Variants in ARHGEF4 observed in about 807,000 individuals in gnomAD.
The protein encoded by ARHGEF4 is Rho guanine nucleotide exchange factor 4.
Under a neutral mutation model 162.0 loss-of-function variants are expected in ARHGEF4, and 119 were observed. That is an observed-to-expected ratio of 0.73 (90% CI 0.63 to 0.86). ARHGEF4 has a LOEUF of 0.86. ARHGEF4 is among the 40% of genes least tolerant of loss of function. The probability of loss-of-function intolerance (pLI) is 0.00; values close to 1 mark genes in which losing one functional copy is unlikely to be tolerated. For synonymous variants in ARHGEF4, 1,014 were observed against 979.9 expected, an observed-to-expected ratio of 1.03 and a Z score of -0.65; for missense variants, 2,488 against 2,456.0, an observed-to-expected ratio of 1.01 and a Z score of -0.28.
intron 1 of ARHGEF4, among the ~76,000 whole-genome samples, chr2:130,869,768 G>A (rs1365045490): frequency 2.6e-5 from 4 of 152,360 alleles, no homozygotes; most frequent in African/African-American, 7.2e-5. Flanking sequence ...CCCTCAGCTA[G>A]GGAACGGCCG....
At chr2:130,837,120 C>T (rs926763614) in intron 1 of ARHGEF4, 128 bp downstream of exon 1, 5 of 860,766 alleles carry the variant, frequency 5.8e-6, no homozygotes, top group Middle Eastern at 4.0e-4. Context: ...GGGACACCCT[C>T]GTGGCTCCCC....
At chr2:131,019,056 C>A (rs935781922) in intron 4 of ARHGEF4, among the ~76,000 whole-genome samples, 1 of 152,120 alleles carries the variant, frequency 6.6e-6, no homozygotes, top group African/African-American at 2.4e-5. Flanking sequence ...ATAATTTTGG[C>A]TAGTCAGGAC....
intron 1 of ARHGEF4, among the ~76,000 whole-genome samples, chr2:130,885,816 C>G (rs894864140): frequency 2.6e-5 from 4 of 151,434 alleles, no homozygotes; most frequent in African/African-American, 9.7e-5. Flanking sequence ...GTGATCCACC[C>G]ATCTCGGCCT....
intron 4 of ARHGEF4, among the ~76,000 whole-genome samples, chr2:131,010,429 G>A (rs760398009): frequency 2.0e-5 from 3 of 152,226 alleles, no homozygotes; most frequent in Admixed American, 6.5e-5. Context: ...CACAGAGTTT[G>A]TCTGATAGTA....
chr2:130,946,402 C>T (rs1306333314), intron 3 of ARHGEF4, 107 bp from the exon 4 acceptor site: 2 of 1,401,182 alleles, frequency 1.4e-6, no homozygotes, highest in Non-Finnish European at 1.9e-6. Flanking sequence ...GTTGTGTGCT[C>T]TGTTCACAAT....
intron 1 of ARHGEF4, among the ~76,000 whole-genome samples, chr2:130,851,103 T>C (rs1281157266): frequency 6.6e-6 from 1 of 152,270 alleles, no homozygotes; most frequent in East Asian, 1.9e-4. Context: ...CCGCCAGCTT[T>C]CTGTGCTGTG....
intron 4 of ARHGEF4, among the ~76,000 whole-genome samples, chr2:130,988,887 T>G (rs1185132734): frequency 2.7e-5 from 3 of 113,086 alleles, no homozygotes; most frequent in African/African-American, 6.4e-5. Context: ...TATATATATA[T>G]ATATATATAT....
chr2:131,011,766 C>A, intron 4 of ARHGEF4: 2 of 950,160 alleles, frequency 2.1e-6, no homozygotes, highest in Non-Finnish European at 3.3e-6. Context: ...AAGCAGCTCT[C>A]AGGCAGAGGA....
intron 1 of ARHGEF4, among the ~76,000 whole-genome samples, chr2:130,862,531 AT>A (rs1682014269): frequency 5.7e-5 from 1 of 17,594 alleles, no homozygotes; most frequent in Admixed American, 6.6e-4. Flanking sequence ...GGGTTAGGCA[AT>A]GGTTTCTTAG....
intron 1 of ARHGEF4, among the ~76,000 whole-genome samples, chr2:130,883,828 CTG>C (rs1312809829): frequency 6.6e-6 from 1 of 152,140 alleles, no homozygotes; most frequent in Non-Finnish European, 1.5e-5. Flanking sequence ...AGGCTGGAAA[CTG>C]GGGTCTGTCA....
At chr2:130,961,023 C>T (rs1329233477) in intron 4 of ARHGEF4, among the ~76,000 whole-genome samples, 1 of 152,204 alleles carries the variant, frequency 6.6e-6, no homozygotes, top group East Asian at 1.9e-4. Context: ...CTGCTCAGGC[C>T]ACAGCCATCT....
At chr2:130,957,991 A>G (rs1684394085) in intron 4 of ARHGEF4, among the ~76,000 whole-genome samples, 1 of 151,480 alleles carries the variant, frequency 6.6e-6, no homozygotes, top group African/African-American at 2.4e-5. Context: ...TGTAATTTAT[A>G]TTCAATAAAG....
At chr2:130,903,701 C>A (rs1402225954) in intron 1 of ARHGEF4, among the ~76,000 whole-genome samples, 1 of 152,180 alleles carries the variant, frequency 6.6e-6, no homozygotes, top group Non-Finnish European at 1.5e-5. Flanking sequence ...TCCTCTCCCC[C>A]AAATGTTTAT....
chr2:130,926,621 A>G (rs915814028), intron 2 of ARHGEF4, among the ~76,000 whole-genome samples: 4 of 152,006 alleles, frequency 2.6e-5, no homozygotes, highest in African/African-American at 9.7e-5. Context: ...ATTGGCCTCT[A>G]TTGACACCTT....
At chr2:130,939,549 T>C (rs1309497060) in intron 3 of ARHGEF4, among the ~76,000 whole-genome samples, 1 of 152,214 alleles carries the variant, frequency 6.6e-6, no homozygotes, top group Non-Finnish European at 1.5e-5. Flanking sequence ...TTCTTTTTTT[T>C]CAACATTGTT....
intron 1 of ARHGEF4, among the ~76,000 whole-genome samples, chr2:130,897,237 T>A (rs1265050877): frequency 2.0e-5 from 3 of 152,170 alleles, no homozygotes; most frequent in Non-Finnish European, 2.9e-5. Flanking sequence ...ACAAGCAGCA[T>A]GTGGATAAGT....
chr2:131,032,547 G>A (rs10193105), intron 5 of ARHGEF4, among the ~76,000 whole-genome samples: 12,378 of 151,962 alleles, frequency 0.081, 698 homozygotes, highest in African/African-American at 0.17. Flanking sequence ...TCCATGAGGC[G>A]GGGCAGGAGC....
chr2:131,046,439 C>CA lies in ARHGEF4; in HGVS notation c.*251dup. 1 of 521,568 alleles carries CA rather than the reference C, an allele frequency of 1.9e-6. No individual in the cohort carries two copies. The highest frequency in any genetic ancestry group is 2.5e-5 in the South Asian group (1 of 39,926). The allele number at this position is 521,568 out of a possible 1,614,324, so 32.3% of individuals were successfully genotyped here. A position where few individuals can be genotyped will look rare whatever the true frequency, so the allele number is the denominator to read the frequency against. On this transcript the variant is annotated 3_prime_UTR_variant, in exon 14 of 14. Transcript: ENST00000409359. ...CACACCGCCGCTGCAGCTTGGGCCC[C>CA]ATCCGCCCTCTGGACCTGTGTAGGG...
intron 1 of ARHGEF4, among the ~76,000 whole-genome samples, chr2:130,841,075 G>C (rs372492710): frequency 6.6e-6 from 1 of 152,134 alleles, no homozygotes; most frequent in Admixed American, 6.5e-5. Context: ...GTGGTTGTTT[G>C]TTTGTTTGAG....
Sources: gnomAD v4.1 joint callset for allele counts (sites outside exome capture counted in the v4.1 genomes callset) on GRCh38, gnomAD v4.1.1 for gene constraint, MANE v1.5 for transcripts, NCBI Gene and HGNC (gene_info 2026-07-23, HGNC 2026-07-21) for gene names.